Variants in COL4A3 observed in about 807,000 individuals in gnomAD.
The protein encoded by COL4A3 is collagen type IV alpha 3 chain.
In COL4A3, 135 loss-of-function variants were observed where a neutral mutation model predicts 217.4. The ratio of observed to expected loss-of-function variants is 0.62; its 90% CI spans 0.54 to 0.72. The LOEUF (loss-of-function observed/expected upper bound fraction) is 0.72, where lower values mean the gene tolerates loss of function less well. Ranked by LOEUF, COL4A3 falls within the 30% of genes least tolerant of loss-of-function variation. COL4A3 has a pLI of 0.00. For missense variants in COL4A3, 1,868 were observed against 2,119.9 expected (o/e 0.88, Z 2.33); for synonymous variants, 690 against 736.3 (o/e 0.94, Z 1.02).
chr2:227,261,809 G>A (rs1033906413), intron 20 of COL4A3, among the ~76,000 whole-genome samples: 12 of 152,154 alleles, frequency 7.9e-5, no homozygotes, highest in African/African-American at 2.9e-4. Flanking sequence ...AGTTGCATAA[G>A]GATACCTACA....
chr2:227,248,656 C>T, intron 9 of COL4A3, 136 bp downstream of exon 9: 1 of 641,852 alleles, frequency 1.6e-6, no homozygotes, highest in Non-Finnish European at 2.7e-6. Context: ...AATAGAAATT[C>T]CTATTTATTC....
intron 19 of COL4A3, 150 bp downstream of exon 19, chr2:227,260,027 C>A (rs768817386): frequency 1.0e-5 from 8 of 763,958 alleles, no homozygotes; most frequent in Non-Finnish European, 1.9e-5. Context: ...TTTTTGATGT[C>A]TCCTGCTCTT....
rs1219595266 is a variant in COL4A3 at position 227,283,814 on chromosome 2, C to T, written c.2704C>T (p.Pro902Ser). 1 of 1,614,122 alleles carries T rather than the reference C, an allele frequency of 6.2e-7. No homozygotes were observed. Among genetic ancestry groups the T allele is most frequent in the Non-Finnish European group, 8.5e-7 (1 of 1,180,004 alleles). Residue 902 changes from proline to serine, a missense_variant, in exon 33 of 52, where the codon CCT becomes TCT. Around this residue, in one of 2 missense-constraint regions of COL4A3, gnomAD observed 1,503 missense variants for 1,786.1 expected, o/e 0.84. Coordinates refer to ENST00000396578, the MANE Select transcript of COL4A3 (RefSeq NM_000091.5). ...GMMGFPGAIG[P>S]PGPPGNPGTP... ...GATGGGCTTTCCTGGAGCCATTGGC[C>T]CTCCAGGGCCCCCTGGGAACCCAGG... is the stretch of plus-strand genomic sequence containing the variant.
rs771276828 is a variant in COL4A3, at chr2:227,297,732, C to A, written c.3624C>A (p.Ala1208=). ...GFPGLPGRKG[A]MGDAGPRGPT... is the part of the protein sequence containing the mutation. Reference sequence around the variant, plus strand: ...CTGGCCTCCCGGGCAGAAAAGGGGCCATGGGAGATGCTGGACCTCGAGGAC... The same window carrying A: ...CTGGCCTCCCGGGCAGAAAAGGGGCAATGGGAGATGCTGGACCTCGAGGAC... The change falls in exon 42 of 52, where the codon GCC becomes GCA. Residue 1208 remains alanine (A), a synonymous_variant. Coordinates refer to ENST00000396578, the MANE Select transcript of COL4A3 (RefSeq NM_000091.5). The A allele has an allele frequency of 8.7e-6, 14 of 1,607,440 alleles. No homozygotes were observed. The highest frequency in any genetic ancestry group is 1.7e-4 in the Middle Eastern group (1 of 6,042).
intron 1 of COL4A3, among the ~76,000 whole-genome samples, chr2:227,216,990 A>G (rs888531804): frequency 6.6e-6 from 1 of 152,188 alleles, no homozygotes; most frequent in Non-Finnish European, 1.5e-5. Context: ...TAGTGACTGT[A>G]TTGGTCTATT....
chr2:227,179,139 T>G (rs1167219075), intron 1 of COL4A3, among the ~76,000 whole-genome samples: 1 of 151,456 alleles, frequency 6.6e-6, no homozygotes, highest in Non-Finnish European at 1.5e-5. Flanking sequence ...TTTTGTAGAC[T>G]GGGGTTTCTC....
intron 6 of COL4A3, chr2:227,246,313 T>C: frequency 1.9e-6 from 1 of 513,580 alleles, no homozygotes; most frequent in Non-Finnish European, 3.5e-6. Context: ...GAATTAGTTT[T>C]GGGGAAGGAA....
In COL4A3 at chr2:227,164,839, C is replaced by G. The variant is rs956281963; in HGVS notation, c.87+26C>G. 2 of 1,494,222 alleles carry G rather than the reference C, an allele frequency of 1.3e-6. No homozygotes were observed. The highest frequency in any genetic ancestry group is 1.5e-5 in the African/African-American group (1 of 68,772). 92.6% of individuals were successfully genotyped at this position (1,494,222 alleles called of 1,614,324 possible). ...GTGAGTGGGGGCTGCGCGACCCCCACCCCCGCACTTCCATCCCTCCTCCAC... is the reference window on the plus strand; with the variant it reads ...GTGAGTGGGGGCTGCGCGACCCCCAGCCCCGCACTTCCATCCCTCCTCCAC... On this transcript the variant is annotated intron_variant, in intron 1 of 51. Transcript: ENST00000396578. The surrounding 1 kb of genome is among the most constrained non-coding windows in gnomAD (Gnocchi z 4.8).
intron 1 of COL4A3, among the ~76,000 whole-genome samples, chr2:227,192,728 A>T (rs563538119): frequency 2.0e-5 from 3 of 152,240 alleles, no homozygotes; most frequent in East Asian, 3.9e-4. Context: ...GAGAGGTTTC[A>T]TTGTCCCCTG....
chr2:227,184,135 T>C (rs1577046557), intron 1 of COL4A3, among the ~76,000 whole-genome samples: 1 of 152,164 alleles, frequency 6.6e-6, no homozygotes. Context: ...GAACTGGTGG[T>C]TCAGCAACCT....
rs1374913023 is a variant in COL4A3, at chr2:227,266,998, C to A, written c.1414C>A (p.Pro472Thr). 1 of 1,612,864 alleles carries A rather than the reference C, an allele frequency of 6.2e-7. No homozygotes were observed. The highest frequency in any genetic ancestry group is 8.5e-7 in the Non-Finnish European group (1 of 1,178,926). The change falls in exon 23 of 52, where the codon CCA becomes ACA. Residue 472 changes from proline (P) to threonine (T), a missense_variant. Pro to Thr is a conservative substitution (Grantham distance 38). Around this residue, in one of 2 missense-constraint regions of COL4A3, gnomAD observed 1,503 missense variants for 1,786.1 expected, o/e 0.84. Transcript: ENST00000396578. ...CTAGTATGCTCTCATTGCAGGAGAA[C>A]CAGGCCTCCTGTGTACACAGTGCCC... ...IPGVDGPKGE[P>T]GLLCTQCPYI... is the part of the protein sequence containing the mutation.
At chr2:227,295,118 G>T in intron 40 of COL4A3, 56 bp downstream of exon 40, 4 of 1,541,716 alleles carry the variant, frequency 2.6e-6, no homozygotes, top group Non-Finnish European at 3.6e-6. Context: ...AGAATCATTA[G>T]TAACAGTGTA....
intron 39 of COL4A3, 93 bp from the exon 40 acceptor site, chr2:227,294,871 T>C: frequency 1.0e-6 from 1 of 959,754 alleles, no homozygotes; most frequent in Non-Finnish European, 1.7e-6. Context: ...TCCACACATC[T>C]CCCTGGTATT....
chr2:227,290,111 G>T, intron 36 of COL4A3, 23 bp downstream of exon 36: 3 of 1,605,016 alleles, frequency 1.9e-6, no homozygotes, highest in Non-Finnish European at 2.6e-6. Flanking sequence ...GTCCTGTTAT[G>T]AGCCCACAAG....
At chr2:227,270,703 T>C (rs2071182203) in intron 24 of COL4A3, 67 bp from the exon 25 acceptor site, 1 of 1,532,284 alleles carries the variant, frequency 6.5e-7, no homozygotes, top group Non-Finnish European at 9.0e-7. Context: ...GTCCACACTG[T>C]TTTTAAGATT....
In COL4A3 at chr2:227,304,094, A is replaced by C. The variant is rs747992363; in HGVS notation, c.4103A>C (p.Glu1368Ala). The change falls in exon 46 of 52, where the codon GAA (glutamate) becomes GCA (alanine). Residue 1368 changes from glutamate to alanine, a missense_variant. Coordinates refer to ENST00000396578, the MANE Select transcript of COL4A3 (RefSeq NM_000091.5). ...GSPGPPGTPG[E>A]PGMQGEPGPP... is the part of the protein sequence containing the mutation. ...CCAGGGCCACCTGGCACACCTGGAG[A>C]ACCAGGGATGCAGGGAGAACCTGGG... 1.2e-6 allele frequency: 2 copies of C among 1,614,018 alleles called. No homozygotes were observed. Among genetic ancestry groups the C allele is most frequent in the African/African-American group, 1.3e-5 (1 of 74,946 alleles).
In COL4A3 at chr2:227,231,999, T is replaced by G. The variant is rs568346078; in HGVS notation, c.88-5969T>G. Among the ~76,000 whole-genome samples, 4 of 152,330 alleles carry G rather than the reference T, an allele frequency of 2.6e-5. No homozygotes were observed. In the South Asian group the frequency reaches 8.3e-4, roughly 32 times the overall value. ...TTCTGGTAACCATTCTTCTACTCTT[T>G]ATGTCCCTGAGTTCAGTTGATTTGA... On this transcript the variant is annotated intron_variant, in intron 1 of 51. Coordinates refer to ENST00000396578, the MANE Select transcript of COL4A3 (RefSeq NM_000091.5).
chr2:227,185,385 G>T (rs1014658161), intron 1 of COL4A3, among the ~76,000 whole-genome samples: 2 of 152,150 alleles, frequency 1.3e-5, no homozygotes, highest in African/African-American at 4.8e-5. Context: ...AGTGCTGCTA[G>T]ACAACATGCC....
rs1457115624 is a variant in COL4A3, at chr2:227,307,823, G to C, written c.4366G>C (p.Ala1456Pro). Residue 1456 changes from alanine (A) to proline (P), a missense_variant, in exon 48 of 52, where the codon GCA becomes CCA. Physicochemically the swap from Ala to Pro is conservative, Grantham distance 27. Transcript: ENST00000396578. ...FVFTRHSQTT[A>P]IPSCPEGTVP... ...CTTCACCCGACACAGTCAAACCACA[G>C]CAATTCCTTCATGTCCAGAGGGGAC... The C allele has an allele frequency of 6.2e-7, 1 of 1,614,052 alleles. No homozygotes were observed. The highest frequency in any genetic ancestry group is 8.5e-7 in the Non-Finnish European group (1 of 1,180,036).
Sources: allele counts gnomAD v4.1 joint callset (sites outside exome capture counted in the v4.1 genomes callset), GRCh38; gene constraint gnomAD v4.1.1; regional missense constraint gnomAD v4.1.1; non-coding constraint Gnocchi (gnomAD v3.1); transcripts MANE v1.5; gene names NCBI Gene and HGNC (gene_info 2026-07-23, HGNC 2026-07-21).